Variants in TTK observed in about 807,000 individuals in gnomAD.
TTK encodes the protein TTK protein kinase.
A neutral mutation model predicts 117.3 loss-of-function variants in TTK; 59 were observed. The ratio of observed to expected loss-of-function variants is 0.50; its 90% CI spans 0.41 to 0.62. The LOEUF (loss-of-function observed/expected upper bound fraction) is 0.62. Ranked by LOEUF, TTK falls within the 20% of genes least tolerant of loss-of-function variation. TTK has a pLI of 0.00. For synonymous variants in TTK, 302 were observed against 325.0 expected (o/e 0.93, Z 0.76); for missense variants, 921 against 989.4 (o/e 0.93, Z 0.93).
chr6:80,014,235 A>G (rs568570427), intron 9 of TTK, among the ~76,000 whole-genome samples: 10 of 152,290 alleles, frequency 6.6e-5, no homozygotes, highest in Non-Finnish European at 1.5e-5. Flanking sequence ...TGATTAATAC[A>G]TCCACTGAAA....
At chr6:80,017,287 T>A (rs1391404410) in intron 10 of TTK, among the ~76,000 whole-genome samples, 2 of 152,232 alleles carry the variant, frequency 1.3e-5, no homozygotes, top group Non-Finnish European at 2.9e-5. Flanking sequence ...TTTGTCTTTT[T>A]CTTTTTTTGA....
intron 8 of TTK, 37 bp from the exon 9 acceptor site, chr6:80,013,242 A>G (rs1448945312): frequency 2.0e-6 from 3 of 1,535,612 alleles, no homozygotes; most frequent in African/African-American, 1.4e-5. Flanking sequence ...TTTTTTTCAA[A>G]TTTAATGTTA....
chr6:80,037,865 T>TATA (rs3049175), intron 17 of TTK, 102 bp from the exon 18 acceptor site: 5,487 of 410,518 alleles, frequency 0.013, 159 homozygotes, highest in African/African-American at 0.084. Flanking sequence ...AAACTTAAAG[T>TATA]ATAATAATAA....
intron 14 of TTK, among the ~76,000 whole-genome samples, chr6:80,032,423 T>C (rs1174253831): frequency 6.6e-6 from 1 of 152,218 alleles, no homozygotes; most frequent in East Asian, 1.9e-4. Flanking sequence ...ATTGGTGTTC[T>C]CTTTCAATCT....
rs116140399 is a variant in TTK at position 80,013,427 on chromosome 6, C to T, written c.984+61C>T. On this transcript the variant is annotated intron_variant, in intron 9 of 21. Coordinates refer to ENST00000369798, the MANE Select transcript of TTK (RefSeq NM_003318.5). ...TTCCTGATCTGGGAGGATCAGTATT[C>T]ATGGAGCTTTTTCTGGGGAAAGGGT... is the stretch of plus-strand genomic sequence containing the variant. 2.1e-3 allele frequency: 2,849 copies of T among 1,352,226 alleles called. 41 individuals are homozygous for T. The African/African-American group carries it at 0.037, about 18-fold the overall frequency. The allele number at this position is 1,352,226 out of a possible 1,614,324, so 83.8% of individuals were successfully genotyped here. A position where few individuals can be genotyped will look rare whatever the true frequency, so the allele number is the denominator to read the frequency against.
At position 80,042,248 on chromosome 6, in the gene TTK, G is replaced by A. The variant is rs1768070457; in HGVS notation, c.*46G>A. On this transcript the variant is annotated 3_prime_UTR_variant, in exon 22 of 22. Coordinates refer to ENST00000369798, the MANE Select transcript of TTK (RefSeq NM_003318.5). ...CAGATACCACCTATAAAATATATTGGACTGTTATACTCTTGAATCCCTGTG... is the reference window on the plus strand; with the variant it reads ...CAGATACCACCTATAAAATATATTGAACTGTTATACTCTTGAATCCCTGTG... 6.9e-7 allele frequency: 1 copy of A among 1,446,934 alleles called. No individual in the cohort carries two copies. The allele number at this position is 1,446,934 out of a possible 1,614,324, so 89.6% of individuals were successfully genotyped here. A position where few individuals can be genotyped will look rare whatever the true frequency, so the allele number is the denominator to read the frequency against.
In TTK at chr6:80,008,547, T is replaced by TA. The variant is rs1767056460; in HGVS notation, c.469+56dup. 3.5e-6 allele frequency: 5 copies of TA among 1,442,110 alleles called. No homozygotes were observed. In the African/African-American group the frequency reaches 4.4e-5, roughly 13 times the overall value. 89.3% of individuals were successfully genotyped at this position (1,442,110 alleles called of 1,614,324 possible). ...AAGTAAAGGATAACTTATTACAACT[T>TA]ACTTCCTAATATTAAATCATATATA... On this transcript the variant is annotated intron_variant, in intron 4 of 21. Coordinates refer to ENST00000369798, the MANE Select transcript of TTK (RefSeq NM_003318.5).
At chr6:80,014,877 G>T (rs752543527) in intron 10 of TTK, among the ~76,000 whole-genome samples, 8 of 152,236 alleles carry the variant, frequency 5.3e-5, no homozygotes, top group Admixed American at 2.6e-4. Context: ...TACAAAAGCT[G>T]TTTTTATATG....
At chr6:80,018,940 ATTTAGT>A (rs1183440458) in intron 10 of TTK, among the ~76,000 whole-genome samples, 2 of 152,094 alleles carry the variant, frequency 1.3e-5, no homozygotes, top group East Asian at 3.9e-4. Flanking sequence ...TTCTGCATCT[ATTTAGT>A]TAATTATATA....
intron 18 of TTK, among the ~76,000 whole-genome samples, chr6:80,038,959 C>G (rs970157516): frequency 3.3e-5 from 5 of 152,160 alleles, no homozygotes; most frequent in African/African-American, 1.2e-4. Context: ...ATTTAATGCC[C>G]ATGACAATGT....
intron 16 of TTK, among the ~76,000 whole-genome samples, chr6:80,035,953 A>G (rs576616421): frequency 5.7e-4 from 86 of 152,126 alleles, no homozygotes; most frequent in African/African-American, 2.0e-3. Flanking sequence ...ATTGTAATTT[A>G]TCTCCTCCTC....
At chr6:80,012,109 C>A in intron 8 of TTK, 129 bp downstream of exon 8, 1 of 723,412 alleles carries the variant, frequency 1.4e-6, no homozygotes, top group Non-Finnish European at 2.1e-6. Flanking sequence ...AAGATAATCT[C>A]TAAATGTTGT....
intron 11 of TTK, among the ~76,000 whole-genome samples, chr6:80,024,143 T>C (rs1185866479): frequency 6.6e-6 from 1 of 152,088 alleles, no homozygotes; most frequent in Admixed American, 6.5e-5. Flanking sequence ...TTTTAGAACC[T>C]TCATATGCTG....
At chr6:80,034,839 C>A in intron 14 of TTK, 146 bp from the exon 15 acceptor site, 1 of 596,268 alleles carries the variant, frequency 1.7e-6, no homozygotes, top group South Asian at 6.8e-5. Context: ...CTTCCTTCTA[C>A]ACTCAAAATA....
rs761465040 is a variant in TTK, at chr6:80,008,378, T to C, written c.363-8T>C. On this transcript the variant is annotated splice_polypyrimidine_tract_variant and splice_region_variant and intron_variant, in intron 3 of 21. Transcript: ENST00000369798. ...TTCTTAAATTTTGACTCAAATCTTT[T>C]ATTACAGTATTCAAGAGCCAGATGA... 46 of 1,600,858 alleles carry C rather than the reference T, an allele frequency of 2.9e-5. No homozygotes were observed. Among genetic ancestry groups the C allele is most frequent in the Non-Finnish European group, 3.8e-5 (45 of 1,175,986 alleles).
chr6:80,037,218 C>T (rs1253541040), intron 17 of TTK, among the ~76,000 whole-genome samples: 33 of 152,004 alleles, frequency 2.2e-4, no homozygotes, highest in Non-Finnish European at 8.8e-5. Flanking sequence ...GATGTGAGTC[C>T]ACCTTAATCC....
chr6:80,006,286 G>A (rs1766992978), intron 2 of TTK: 2 of 303,118 alleles, frequency 6.6e-6, no homozygotes, highest in African/African-American at 4.5e-5. Flanking sequence ...ATTCTTTACT[G>A]TATTTCAAAT....
intron 9 of TTK, 82 bp downstream of exon 9, chr6:80,013,448 A>G (rs762308275): frequency 8.7e-7 from 1 of 1,154,580 alleles, no homozygotes; most frequent in East Asian, 2.5e-5. Flanking sequence ...TTCTGGGGAA[A>G]GGGTTTATAA....
intron 8 of TTK, among the ~76,000 whole-genome samples, chr6:80,012,734 T>C (rs934895134): frequency 1.3e-5 from 2 of 152,074 alleles, no homozygotes; most frequent in Admixed American, 1.3e-4. Context: ...TAAAAGAACA[T>C]TTTGTTTGTC....
Sources: gnomAD v4.1 joint callset for allele counts (sites outside exome capture counted in the v4.1 genomes callset) on GRCh38, gnomAD v4.1.1 for gene constraint, MANE v1.5 for transcripts, NCBI Gene and HGNC (gene_info 2026-07-23, HGNC 2026-07-21) for gene names.